ZCCHC17: variants seen among roughly 807,000 people sequenced by gnomAD.
ZCCHC17 encodes zinc finger CCHC-type containing 17.
A neutral mutation model predicts 30.6 loss-of-function variants in ZCCHC17; 18 were observed. The ratio of observed to expected loss-of-function variants is 0.59; its 90% CI spans 0.41 to 0.87. ZCCHC17 has a LOEUF of 0.87. Among genes scored for constraint, ZCCHC17 ranks in the 40% least tolerant of loss-of-function variants. ZCCHC17 has a pLI of 0.00. For missense variants in ZCCHC17, 263 were observed against 284.2 expected (o/e 0.93, Z 0.54); for synonymous variants, 88 against 92.4 (o/e 0.95, Z 0.27).
At position 31,314,021 on chromosome 1, in the gene ZCCHC17, G is replaced by A. The variant is rs1164582072; in HGVS notation, c.66+3857G>A. ...AGGGACTACAGGCGTCAGCCACCAC[G>A]CCCGGCTAATTTTTTGTATTTTTAG... On this transcript the variant is annotated intron_variant, in intron 2 of 7. Transcript: ENST00000344147. Among the ~76,000 whole-genome samples, 6 of 152,076 alleles carry A rather than the reference G, an allele frequency of 3.9e-5. No homozygotes were observed. In the East Asian group the frequency reaches 5.8e-4, roughly 15 times the overall value.
intron 1 of ZCCHC17, among the ~76,000 whole-genome samples, chr1:31,304,917 A>T (rs1403348044): frequency 6.6e-6 from 1 of 152,146 alleles, no homozygotes; most frequent in Non-Finnish European, 1.5e-5. Context: ...AAAGTAGCAG[A>T]ACTCTTTTTT....
chr1:31,306,811 G>T (rs1463358655), intron 1 of ZCCHC17, among the ~76,000 whole-genome samples: 3 of 152,020 alleles, frequency 2.0e-5, no homozygotes, highest in African/African-American at 4.8e-5. Context: ...GGGATTATAG[G>T]CTGGTGTCAC....
In ZCCHC17 at chr1:31,317,024, C is replaced by CTTTT. The variant is rs1196920105; in HGVS notation, c.67-2070_67-2067dup. Among the ~76,000 whole-genome samples the CTTTT allele has an allele frequency of 5.4e-3, 679 of 126,514 alleles. 49 individuals are homozygous for CTTTT. In the East Asian group the frequency reaches 0.13, roughly 25 times the overall value. The allele number at this position is 126,514 out of a possible 152,430, so 83.0% of individuals were successfully genotyped here. A position where few individuals can be genotyped will look rare whatever the true frequency, so the allele number is the denominator to read the frequency against. ...CGAGGTTCTATCCCTAACTTTTTTT[C>CTTTT]TTTTTTTTTTTTTTTTTTGAGATGA... On this transcript the variant is annotated intron_variant, in intron 2 of 7. Coordinates refer to ENST00000344147, the MANE Select transcript of ZCCHC17 (RefSeq NM_016505.4).
intron 7 of ZCCHC17, among the ~76,000 whole-genome samples, chr1:31,352,924 A>G (rs1639519036): frequency 6.6e-6 from 1 of 152,130 alleles, no homozygotes; most frequent in Non-Finnish European, 1.5e-5. Context: ...GCTGGATCAT[A>G]TATTCTGTTT....
chr1:31,325,503 C>T (rs1370035091), intron 3 of ZCCHC17, among the ~76,000 whole-genome samples: 1 of 152,206 alleles, frequency 6.6e-6, no homozygotes, highest in Non-Finnish European at 1.5e-5. Flanking sequence ...GGTCCATCCA[C>T]AGCCTCACAT....
At chr1:31,322,573 T>C (rs995093899) in intron 3 of ZCCHC17, among the ~76,000 whole-genome samples, 2 of 152,172 alleles carry the variant, frequency 1.3e-5, no homozygotes, top group African/African-American at 4.8e-5. Flanking sequence ...CACATGGATG[T>C]GTTCACCAAC....
In ZCCHC17 at chr1:31,306,770, C is replaced by T. The variant is rs138041779; in HGVS notation, c.-55-3274C>T. Among the ~76,000 whole-genome samples, 74 of 152,214 alleles carry T rather than the reference C, an allele frequency of 4.9e-4. No homozygotes were observed. The East Asian group carries it at 7.1e-3, about 15-fold the overall frequency. ...GCAGCCTTGATCTCCTTGGCTCAAG[C>T]GATCCTCTTGCTTCAGCCTCCCAAG... On this transcript the variant is annotated intron_variant, in intron 1 of 7. Coordinates refer to ENST00000344147, the MANE Select transcript of ZCCHC17 (RefSeq NM_016505.4).
intron 3 of ZCCHC17, among the ~76,000 whole-genome samples, chr1:31,321,032 TAA>T (rs1197646766): frequency 6.6e-6 from 1 of 152,226 alleles, no homozygotes; most frequent in Non-Finnish European, 1.5e-5. Context: ...CTAATGATGT[TAA>T]GTCTCTTTTC....
At chr1:31,363,971 G>C in intron 7 of ZCCHC17, 61 bp from the exon 8 acceptor site, 1 of 1,583,286 alleles carries the variant, frequency 6.3e-7, no homozygotes, top group Non-Finnish European at 8.6e-7. Flanking sequence ...CCAATTATGT[G>C]CTATGATTGT....
intron 7 of ZCCHC17, among the ~76,000 whole-genome samples, chr1:31,359,274 G>A (rs1319326187): frequency 6.6e-6 from 1 of 152,110 alleles, no homozygotes; most frequent in Non-Finnish European, 1.5e-5. Context: ...CCAGCACTTT[G>A]GGAGGATGAG....
At chr1:31,339,135 A>G (rs1459360382) in intron 5 of ZCCHC17, 87 bp downstream of exon 5, 3 of 887,940 alleles carry the variant, frequency 3.4e-6, no homozygotes, top group African/African-American at 3.6e-5. Flanking sequence ...TGGTAACTCT[A>G]CCATTTATGG....
intron 3 of ZCCHC17, among the ~76,000 whole-genome samples, chr1:31,331,664 T>C (rs1238042990): frequency 1.3e-5 from 2 of 151,818 alleles, no homozygotes; most frequent in East Asian, 1.9e-4. Context: ...CGGGCTGGAA[T>C]GCAATGGCTC....
At chr1:31,304,532 C>T (rs979374600) in intron 1 of ZCCHC17, among the ~76,000 whole-genome samples, 1 of 152,000 alleles carries the variant, frequency 6.6e-6, no homozygotes, top group African/African-American at 2.4e-5. Flanking sequence ...GATCCACCCG[C>T]CATGGCCTCC....
chr1:31,359,692 A>AG, intron 7 of ZCCHC17, among the ~76,000 whole-genome samples: 1 of 152,256 alleles, frequency 6.6e-6, no homozygotes, highest in East Asian at 1.9e-4. Context: ...TGCTCTAACA[A>AG]GGGATATGTG....
chr1:31,309,440 A>G (rs1333445311), intron 1 of ZCCHC17, among the ~76,000 whole-genome samples: 2 of 151,958 alleles, frequency 1.3e-5, no homozygotes, highest in East Asian at 3.9e-4. Context: ...TCAGCCTCCC[A>G]AGTAGCTGGG....
intron 1 of ZCCHC17, among the ~76,000 whole-genome samples, chr1:31,302,184 C>T (rs1233268964): frequency 6.6e-6 from 1 of 152,046 alleles, no homozygotes; most frequent in Non-Finnish European, 1.5e-5. Context: ...GTCGAGATCG[C>T]ACCACTGCCC....
At chr1:31,304,887 G>A (rs1183630717) in intron 1 of ZCCHC17, among the ~76,000 whole-genome samples, 3 of 152,164 alleles carry the variant, frequency 2.0e-5, no homozygotes. Context: ...GAGCCACCAC[G>A]CACGGCTGTA....
intron 1 of ZCCHC17, among the ~76,000 whole-genome samples, chr1:31,297,528 C>G (rs903361647): frequency 2.0e-5 from 3 of 152,340 alleles, no homozygotes; most frequent in Admixed American, 1.3e-4. Context: ...ATTTGAGACT[C>G]ATGCCCATGA....
chr1:31,319,603 C>T (rs887571582), intron 3 of ZCCHC17, among the ~76,000 whole-genome samples: 6 of 151,998 alleles, frequency 3.9e-5, no homozygotes, highest in South Asian at 2.1e-4. Flanking sequence ...CATAAAGAGG[C>T]GTCTGTTGAA....
Sources: gnomAD v4.1 joint callset for allele counts (sites outside exome capture counted in the v4.1 genomes callset) on GRCh38, gnomAD v4.1.1 for gene constraint, MANE v1.5 for transcripts, NCBI Gene and HGNC (gene_info 2026-07-23, HGNC 2026-07-21) for gene names.